Variants in PRKN observed in about 807,000 individuals in gnomAD.
PRKN encodes the protein parkin RBR E3 ubiquitin protein ligase.
Under a neutral mutation model 59.5 loss-of-function variants are expected in PRKN, and 56 were observed. That is an observed-to-expected ratio of 0.94 (90% CI 0.76 to 1.18). PRKN has a LOEUF of 1.18. Ranked by LOEUF, PRKN falls within the 50% of genes most tolerant of loss-of-function variation. The probability of loss-of-function intolerance (pLI) is 0.00; values close to 1 mark genes in which losing one functional copy is unlikely to be tolerated. For synonymous variants in PRKN, 250 were observed against 222.1 expected (o/e 1.13, Z -1.12); for missense variants, 657 against 596.4 (o/e 1.10, Z -1.06).
intron 2 of PRKN, among the ~76,000 whole-genome samples, chr6:162,430,167 C>T (rs1260280912): frequency 1.4e-4 from 18 of 130,258 alleles, no homozygotes; most frequent in African/African-American, 6.3e-4. Flanking sequence ...ATGACGACGA[C>T]GACGACGATG....
At chr6:162,466,193 A>G (rs1791405481) in intron 1 of PRKN, among the ~76,000 whole-genome samples, 2 of 152,208 alleles carry the variant, frequency 1.3e-5, no homozygotes, top group South Asian at 4.1e-4. Flanking sequence ...AGGAGGCAAT[A>G]GCTGTGATAA....
chr6:161,924,912 G>C lies in PRKN; in HGVS notation c.734+48390C>G, dbSNP rs1778910481. ...TACCCTGTGAGTAAACTAGGGGAGA[G>C]AGTCCCTCCACAAACAAGAACCACG... On this transcript the variant is annotated intron_variant, in intron 6 of 11. Coordinates refer to ENST00000366898, the MANE Select transcript of PRKN (RefSeq NM_004562.3). Among the ~76,000 whole-genome samples, 3 of 152,198 alleles carry C rather than the reference G, an allele frequency of 2.0e-5. No homozygotes were observed. In the South Asian group the frequency reaches 6.2e-4, roughly 32 times the overall value.
chr6:162,387,115 A>C (rs1375481988), intron 2 of PRKN, among the ~76,000 whole-genome samples: 1 of 152,064 alleles, frequency 6.6e-6, no homozygotes, highest in African/African-American at 2.4e-5. Flanking sequence ...GCACACTACA[A>C]AATATGCTAA....
At chr6:161,496,871 G>A (rs1777770453) in intron 9 of PRKN, among the ~76,000 whole-genome samples, 1 of 152,314 alleles carries the variant, frequency 6.6e-6, no homozygotes, top group Non-Finnish European at 1.5e-5. Flanking sequence ...GCAAACACCA[G>A]AAGCCAGAAG....
chr6:161,731,898 G>C (rs546369528), intron 7 of PRKN, among the ~76,000 whole-genome samples: 1 of 152,086 alleles, frequency 6.6e-6, no homozygotes, highest in Non-Finnish European at 1.5e-5. Context: ...TTGGTAGAAA[G>C]GTGTATGTTT....
intron 5 of PRKN, among the ~76,000 whole-genome samples, chr6:161,975,506 TTTC>T (rs1170644944): frequency 6.6e-6 from 1 of 152,200 alleles, no homozygotes; most frequent in Admixed American, 6.5e-5. Context: ...CAACATTTGA[TTTC>T]TTCTTTTCCT....
intron 6 of PRKN, among the ~76,000 whole-genome samples, chr6:161,826,208 T>C (rs1792238036): frequency 6.6e-6 from 1 of 152,200 alleles, no homozygotes; most frequent in Admixed American, 6.5e-5. Flanking sequence ...GTCACTGCTC[T>C]GAAATTCAAT....
intron 7 of PRKN, among the ~76,000 whole-genome samples, chr6:161,720,561 G>A (rs947186129): frequency 6.6e-6 from 1 of 152,148 alleles, no homozygotes; most frequent in East Asian, 1.9e-4. Flanking sequence ...CTGCAGAGAG[G>A]AGGCCTGGCA....
chr6:162,644,076 A>G (rs1778070077), intron 1 of PRKN: 1 of 152,284 alleles, frequency 6.6e-6, no homozygotes, highest in East Asian at 1.9e-4. Context: ...CTCTGACTCC[A>G]AGTAGGTTGA....
intron 7 of PRKN, among the ~76,000 whole-genome samples, chr6:161,750,118 T>TATATATATATATACAC (rs1269147499): frequency 6.5e-5 from 9 of 137,736 alleles, no homozygotes; most frequent in African/African-American, 2.1e-4. Flanking sequence ...TATATATATA[T>TATATATATATATACAC]ACACACACAC....
At chr6:162,167,863 C>T (rs892370878) in intron 4 of PRKN, among the ~76,000 whole-genome samples, 5 of 152,060 alleles carry the variant, frequency 3.3e-5, no homozygotes, top group Non-Finnish European at 5.9e-5. Flanking sequence ...TTCATTACCT[C>T]ATTTAATTTT....
At chr6:162,566,394 C>A (rs1313724025) in intron 1 of PRKN, among the ~76,000 whole-genome samples, 3 of 151,574 alleles carry the variant, frequency 2.0e-5, no homozygotes, top group African/African-American at 7.3e-5. Flanking sequence ...TTTAGCCAGG[C>A]TAACAAAGAA....
intron 1 of PRKN, among the ~76,000 whole-genome samples, chr6:162,511,885 G>C (rs189058217): frequency 7.9e-4 from 120 of 152,250 alleles, no homozygotes; most frequent in African/African-American, 2.8e-3. Context: ...TAATTTAAAA[G>C]TAATGGAGAT....
chr6:162,500,845 T>A (rs1793331406), intron 1 of PRKN, among the ~76,000 whole-genome samples: 1 of 152,170 alleles, frequency 6.6e-6, no homozygotes, highest in South Asian at 2.1e-4. Context: ...ATTTCTTAAA[T>A]ACTATTAATT....
chr6:161,971,909 T>C (rs1207848731), intron 6 of PRKN, among the ~76,000 whole-genome samples: 1 of 152,168 alleles, frequency 6.6e-6, no homozygotes, highest in African/African-American at 2.4e-5. Context: ...TATATGACTA[T>C]TTTTGCTTAA....
At chr6:162,438,195 G>C (rs1318755955) in intron 2 of PRKN, among the ~76,000 whole-genome samples, 1 of 151,966 alleles carries the variant, frequency 6.6e-6, no homozygotes, top group South Asian at 2.1e-4. Context: ...CTATTTTGTA[G>C]GTCAAGTTTA....
chr6:161,944,096 AT>A (rs1779690632), intron 6 of PRKN, among the ~76,000 whole-genome samples: 2 of 131,850 alleles, frequency 1.5e-5, no homozygotes, highest in African/African-American at 6.3e-5. Flanking sequence ...AGCCTGAGGG[AT>A]CAGCCTGAGG....
intron 1 of PRKN, among the ~76,000 whole-genome samples, chr6:162,639,170 T>G (rs1027001045): frequency 6.6e-6 from 1 of 152,166 alleles, no homozygotes; most frequent in Non-Finnish European, 1.5e-5. Flanking sequence ...AGCTTCCTGA[T>G]TCACCGCATG....
intron 7 of PRKN, among the ~76,000 whole-genome samples, chr6:161,628,057 G>C (rs1387237076): frequency 1.3e-5 from 2 of 152,180 alleles, no homozygotes; most frequent in East Asian, 3.9e-4. Context: ...ATGTCAATTA[G>C]AGTAATGTTG....
Sources: gnomAD v4.1 joint callset for allele counts (sites outside exome capture counted in the v4.1 genomes callset) on GRCh38, gnomAD v4.1.1 for gene constraint, MANE v1.5 for transcripts, NCBI Gene and HGNC (gene_info 2026-07-23, HGNC 2026-07-21) for gene names.